L3HYPDH: variants seen among roughly 807,000 people sequenced by gnomAD.
L3HYPDH encodes trans-L-3-hydroxyproline dehydratase.
L3HYPDH carries 32 observed loss-of-function variants against 26.5 expected under a neutral mutation model. That is an observed-to-expected ratio of 1.21 (90% CI 0.91 to 1.62). The LOEUF is 1.62. L3HYPDH is among the 40% of genes most tolerant of loss of function. The pLI, the probability that L3HYPDH is intolerant of heterozygous loss-of-function variation, is 0.00. For synonymous variants in L3HYPDH, 215 were observed against 196.6 expected (o/e 1.09, Z -0.78); for missense variants, 554 against 476.4 (o/e 1.16, Z -1.52).
downstream of L3HYPDH, among the ~76,000 whole-genome samples, chr14:59,469,473 T>C (rs1889261161): frequency 6.7e-6 from 1 of 149,276 alleles, no homozygotes; most frequent in African/African-American, 2.5e-5. Flanking sequence ...GAGAATCGCT[T>C]GAACCCGGGA....
downstream of L3HYPDH, among the ~76,000 whole-genome samples, chr14:59,469,120 A>C (rs1293959223): frequency 6.6e-6 from 1 of 152,156 alleles, no homozygotes; most frequent in Non-Finnish European, 1.5e-5. Context: ...GAACAGATCA[A>C]CTTCAGTTTT....
chr14:59,483,391 C>T (rs780777800), intron 1 of L3HYPDH: 2 of 464,446 alleles, frequency 4.3e-6, no homozygotes, highest in Non-Finnish European at 5.9e-6. Context: ...GGTTTAGTAA[C>T]TTATTAAGTG....
rs201570344 is a variant in L3HYPDH, at chr14:59,484,143, A to C, written c.174T>G (p.Leu58=). 1.2e-6 allele frequency: 2 copies of C among 1,601,832 alleles called. No individual in the cohort carries two copies. The highest frequency in any genetic ancestry group is 2.7e-5 in the African/African-American group (2 of 75,016). The change falls in exon 1 of 5, where the codon CTT becomes CTG. Residue 58 remains leucine (L), a synonymous_variant. Coordinates refer to ENST00000247194, the MANE Select transcript of L3HYPDH (RefSeq NM_144581.2). ...LAKRRYMRQH[L]DHVRRRLMFE... ...ACATGAGCCGTCGCCGCACGTGGTC[A>C]AGGTGCTGGCGCATGTAGCGCCGCT...
chr14:59,469,868 A>G (rs148066542), downstream of L3HYPDH, among the ~76,000 whole-genome samples: 2 of 152,216 alleles, frequency 1.3e-5, no homozygotes, highest in Non-Finnish European at 2.9e-5. Flanking sequence ...TAGTCTCTCT[A>G]CAAGAGGGAA....
upstream of L3HYPDH, among the ~76,000 whole-genome samples, chr14:59,488,369 T>A (rs894421817): frequency 1.3e-5 from 2 of 152,028 alleles, no homozygotes; most frequent in African/African-American, 4.8e-5. Flanking sequence ...TATAAATCAG[T>A]CTTAGAAATG....
upstream of L3HYPDH, among the ~76,000 whole-genome samples, chr14:59,488,263 T>G (rs899979506): frequency 6.6e-6 from 1 of 152,114 alleles, no homozygotes; most frequent in African/African-American, 2.4e-5. Flanking sequence ...TACTAAGCAC[T>G]GCATTTTATG....
the L3HYPDH span, chr14:59,499,015 CTTT>C: frequency 1.3e-3 from 162 of 127,228 alleles, no homozygotes; most frequent in South Asian, 2.6e-3. Flanking sequence ...TTGTTTAATC[CTTT>C]TTTTTTTTTT....
At chr14:59,497,952 T>C in the L3HYPDH span, among the ~76,000 whole-genome samples, 1 of 152,050 alleles carries the variant, frequency 6.6e-6, no homozygotes, top group Admixed American at 6.6e-5. Context: ...CTCAGGAAAA[T>C]TAAGGTAGAA....
the L3HYPDH span, chr14:59,494,919 T>A: frequency 1.2e-6 from 1 of 838,190 alleles, no homozygotes; most frequent in East Asian, 2.6e-5. Context: ...ACTTTTCTTA[T>A]AGATTTAGAA....
In L3HYPDH at chr14:59,484,209, C is replaced by A; in HGVS notation, c.108G>T (p.Leu36=). 1 of 1,598,828 alleles carries A rather than the reference C, an allele frequency of 6.3e-7. No individual in the cohort carries two copies. Among genetic ancestry groups the A allele is most frequent in the Non-Finnish European group, 8.5e-7 (1 of 1,179,720 alleles). The change falls in exon 1 of 5, where the codon CTG becomes CTT. Residue 36 remains leucine, a synonymous_variant. Coordinates refer to ENST00000247194, the MANE Select transcript of L3HYPDH (RefSeq NM_144581.2). ...GCCCAGACACCTCCGGACACCCCGC[C>A]AGCACGATACGCAAGGGCTCGCCGC... is the stretch of plus-strand genomic sequence containing the variant. ...HTGGEPLRIV[L]AGCPEVSGPT...
rs750027051 is a variant in L3HYPDH at position 59,475,863 on chromosome 14, A to G, written c.939+6T>C. 1.9e-6 allele frequency: 3 copies of G among 1,610,210 alleles called. No homozygotes were observed. The highest frequency in any genetic ancestry group is 2.2e-5 in the South Asian group (2 of 90,402). On this transcript the variant is annotated splice_donor_region_variant and intron_variant, in intron 4 of 4. Coordinates refer to ENST00000247194, the MANE Select transcript of L3HYPDH (RefSeq NM_144581.2). ...TTATAAATAAGAAGCTAAGGGTGCC[A>G]CTTACCCTCACAGCTTTCCCTGTGA...
Position 59,484,162 on chromosome 14 carries a change from C to G in L3HYPDH, c.155G>C (p.Arg52Pro), listed in dbSNP as rs143190956. 6.2e-7 allele frequency: 1 copy of G among 1,600,428 alleles called. No homozygotes were observed. The highest frequency in any genetic ancestry group is 1.7e-5 in the Admixed American group (1 of 59,878). The stretch of plus-strand genomic sequence containing the variant: ...GTGGTCAAGGTGCTGGCGCATGTAG[C>G]GCCGCTTGGCCAGCAGGGTGGGCCC... ...VSGPTLLAKR[R>P]YMRQHLDHVR... is the part of the protein sequence containing the mutation. Residue 52 changes from arginine (R) to proline (P), a missense_variant, in exon 1 of 5, where the codon CGC (arginine) becomes CCC (proline). By Grantham distance (103) the Arg-to-Pro change is moderately radical (BLOSUM62 -2). Coordinates refer to ENST00000247194, the MANE Select transcript of L3HYPDH (RefSeq NM_144581.2).
Position 59,475,174 on chromosome 14 carries a change from C to CAAATAAAACACTATTATA in L3HYPDH, c.939+677_939+694dup, listed in dbSNP as rs1342592612. 2.0e-5 allele frequency: 3 copies of CAAATAAAACACTATTATA among 151,788 alleles called. No individual in the cohort carries two copies. In the East Asian group the frequency reaches 5.8e-4, roughly 29 times the overall value. 9.4% of individuals were successfully genotyped at this position (151,788 alleles called of 1,614,324 possible). On this transcript the variant is annotated intron_variant, in intron 4 of 4. Coordinates refer to ENST00000247194, the MANE Select transcript of L3HYPDH (RefSeq NM_144581.2). ...TCAGGGCTTTCACATCCTATTATAT[C>CAAATAAAACACTATTATA]AAATAAAACACTATTATAAAATAAA...
At chr14:59,492,021 GTT>G in the L3HYPDH span, among the ~76,000 whole-genome samples, 1 of 152,114 alleles carries the variant, frequency 6.6e-6, no homozygotes, top group African/African-American at 2.4e-5. Flanking sequence ...ATAGTCTGTG[GTT>G]ACTAAATAAA....
the L3HYPDH span, among the ~76,000 whole-genome samples, chr14:59,493,461 T>C: frequency 1.3e-5 from 2 of 152,074 alleles, no homozygotes; most frequent in Non-Finnish European, 2.9e-5. Flanking sequence ...CATCACAAAA[T>C]AGTGAGAAAT....
chr14:59,502,791 G>A, the L3HYPDH span, among the ~76,000 whole-genome samples: 6 of 1,002 alleles, frequency 6.0e-3, no homozygotes, highest in Non-Finnish European at 0.088. Context: ...TCACTCTGTC[G>A]CTTAGGCATG....
chr14:59,502,755 T>TGTTTTTTTTTGTTTTTG, the L3HYPDH span, among the ~76,000 whole-genome samples: 2 of 122,918 alleles, frequency 1.6e-5, no homozygotes, highest in East Asian at 2.6e-4. Context: ...ATGAGATTTT[T>TGTTTTTTTTTGTTTTTG]TTTTTTTTTT....
upstream of L3HYPDH, chr14:59,486,659 T>G: frequency 7.9e-7 from 1 of 1,265,162 alleles, no homozygotes; most frequent in South Asian, 1.4e-5. Flanking sequence ...ATTATTGCAA[T>G]TATTTTTTAT....
chr14:59,473,216 AG>A (rs1889391872), intron 4 of L3HYPDH, 126 bp from the exon 5 acceptor site: 10 of 761,048 alleles, frequency 1.3e-5, no homozygotes, highest in African/African-American at 3.6e-5. Context: ...GGGCCAGGGA[AG>A]GTTTTTAAGG....
Sources: gnomAD v4.1 joint callset for allele counts (sites outside exome capture counted in the v4.1 genomes callset) on GRCh38, gnomAD v4.1.1 for gene constraint, MANE v1.5 for transcripts, NCBI Gene and HGNC (gene_info 2026-07-23, HGNC 2026-07-21) for gene names.